Variants in TGFBR3 observed in about 807,000 individuals in gnomAD.
TGFBR3 encodes transforming growth factor beta receptor type 3.
In TGFBR3, 46 loss-of-function variants were observed where a neutral mutation model predicts 87.9. That is an observed-to-expected ratio of 0.52 (90% CI 0.41 to 0.67). The LOEUF is 0.67. Ranked by LOEUF, TGFBR3 falls within the 30% of genes least tolerant of loss-of-function variation. The probability of loss-of-function intolerance (pLI) is 0.00; values close to 1 mark genes in which losing one functional copy is unlikely to be tolerated. For missense variants in TGFBR3, 866 were observed against 1,041.9 expected (o/e 0.83, Z 2.32); for synonymous variants, 381 against 391.6 (o/e 0.97, Z 0.32).
Position 91,734,857 on chromosome 1 carries a change from A to G in TGFBR3, c.487T>C (p.Trp163Arg). The G allele has an allele frequency of 6.2e-7, 1 of 1,614,174 alleles. No homozygotes were observed. Among genetic ancestry groups the G allele is most frequent in the Non-Finnish European group, 8.5e-7 (1 of 1,180,008 alleles). ...FPHGNEHLLN[W>R]ARKEYGAVTS... ...ACTGCTCCATACTCTTTTCGGGCCC[A>G]ATTTAACAGATGTTCATTTCCATGG... Residue 163 changes from tryptophan (W) to arginine (R), a missense_variant, in exon 5 of 17, where the codon TGG becomes CGG. Coordinates refer to ENST00000212355, the MANE Select transcript of TGFBR3 (RefSeq NM_003243.5).
chr1:91,785,798 C>T (rs989796401), intron 3 of TGFBR3, among the ~76,000 whole-genome samples: 9 of 149,676 alleles, frequency 6.0e-5, no homozygotes, highest in Admixed American at 2.7e-4. Flanking sequence ...GACAGCGTCT[C>T]GCTCTGTCTC....
At chr1:91,693,909 C>G (rs768380826) in intron 16 of TGFBR3, among the ~76,000 whole-genome samples, 67 of 152,224 alleles carry the variant, frequency 4.4e-4, no homozygotes, top group Admixed American at 1.4e-3. Flanking sequence ...CTGCTAAATT[C>G]TGTCTTTCTG....
In TGFBR3 at chr1:91,827,113, G is replaced by A. The variant is rs72969164; in HGVS notation, c.62-29642C>T. On this transcript the variant is annotated intron_variant, in intron 2 of 16. Transcript: ENST00000212355. Reference sequence around the variant, plus strand: ...CTTGCCCTCTACCTATTCCTGTGGTGCCAACATAGAAAATGTCCTGGACTT... The same window carrying A: ...CTTGCCCTCTACCTATTCCTGTGGTACCAACATAGAAAATGTCCTGGACTT... Among the ~76,000 whole-genome samples the A allele has an allele frequency of 4.7e-3, 711 of 152,256 alleles. 10 individuals are homozygous for A. Among genetic ancestry groups the A allele is most frequent in the African/African-American group, 0.016 (670 of 41,544 alleles).
At chr1:91,867,288 G>A (rs1279536842) in intron 1 of TGFBR3, among the ~76,000 whole-genome samples, 2 of 152,214 alleles carry the variant, frequency 1.3e-5, no homozygotes, top group Admixed American at 1.3e-4. Context: ...GGTAGGCACG[G>A]GGGAAGCAGT....
At chr1:91,719,224 A>G in intron 10 of TGFBR3, 88 bp downstream of exon 10, 1 of 1,585,398 alleles carries the variant, frequency 6.3e-7, no homozygotes, top group South Asian at 1.1e-5. Flanking sequence ...AACCCTCTTC[A>G]TCTTCAAAGA....
At chr1:91,796,537 T>G (rs1675388846) in intron 3 of TGFBR3, among the ~76,000 whole-genome samples, 1 of 152,208 alleles carries the variant, frequency 6.6e-6, no homozygotes, top group South Asian at 2.1e-4. Flanking sequence ...AAGTACAAAG[T>G]ACCGCCATCT....
rs1380625220 is a variant in TGFBR3 at position 91,682,387 on chromosome 1, A to G, written c.*1352T>C. ...CAGCAGTAAAATAATTTAGCATGAT[A>G]ATTCCCCCCTGGCATTCTTTTTTTT... is the stretch of plus-strand genomic sequence containing the variant. On this transcript the variant is annotated 3_prime_UTR_variant, in exon 17 of 17. Coordinates refer to ENST00000212355, the MANE Select transcript of TGFBR3 (RefSeq NM_003243.5). 1 of 442,432 alleles carries G rather than the reference A, an allele frequency of 2.3e-6. No individual in the cohort carries two copies. The highest frequency in any genetic ancestry group is 4.5e-6 in the Non-Finnish European group (1 of 224,352). The allele number at this position is 442,432 out of a possible 1,614,324, so 27.4% of individuals were successfully genotyped here. A position where few individuals can be genotyped will look rare whatever the true frequency, so the allele number is the denominator to read the frequency against.
chr1:91,879,636 A>G (rs1370978645), intron 1 of TGFBR3, among the ~76,000 whole-genome samples: 1 of 152,236 alleles, frequency 6.6e-6, no homozygotes, highest in East Asian at 1.9e-4. Context: ...ATTTATATCA[A>G]TGTTGTTTCA....
intron 3 of TGFBR3, among the ~76,000 whole-genome samples, chr1:91,785,869 T>G (rs940114007): frequency 6.6e-6 from 1 of 151,644 alleles, no homozygotes; most frequent in Non-Finnish European, 1.5e-5. Flanking sequence ...CGGGCTCAAG[T>G]GATCCTCCTG....
intron 3 of TGFBR3, among the ~76,000 whole-genome samples, chr1:91,782,124 A>C (rs991933997): frequency 1.5e-4 from 23 of 152,158 alleles, no homozygotes; most frequent in Admixed American, 1.4e-3. Flanking sequence ...AGAGCAATGA[A>C]GGGCCTGCGT....
intron 12 of TGFBR3, 93 bp from the exon 13 acceptor site, chr1:91,712,635 T>C: frequency 8.9e-7 from 1 of 1,126,910 alleles, no homozygotes; most frequent in Non-Finnish European, 1.3e-6. Context: ...GCCCTTCAGA[T>C]GACACGCTGC....
intron 4 of TGFBR3, among the ~76,000 whole-genome samples, chr1:91,742,060 T>C (rs921002970): frequency 6.6e-6 from 1 of 152,116 alleles, no homozygotes; most frequent in African/African-American, 2.4e-5. Context: ...CTGGGTCTTT[T>C]TACACCCTGC....
chr1:91,858,700 T>C (rs906357322), intron 2 of TGFBR3, among the ~76,000 whole-genome samples: 1 of 151,010 alleles, frequency 6.6e-6, no homozygotes, highest in East Asian at 2.0e-4. Flanking sequence ...ACCAACAAAC[T>C]TCTACACCAA....
chr1:91,886,400 G>C (rs541060360), upstream of TGFBR3: 1 of 336,110 alleles, frequency 3.0e-6, no homozygotes, highest in East Asian at 9.0e-5. Flanking sequence ...CCTTCGGGAC[G>C]AGGAGGCCGA....
At chr1:91,708,404 C>T (rs1335005477) in intron 14 of TGFBR3, among the ~76,000 whole-genome samples, 3 of 151,982 alleles carry the variant, frequency 2.0e-5, no homozygotes, top group Non-Finnish European at 2.9e-5. Context: ...GGGAGAGTGA[C>T]CTTATGACAG....
chr1:91,867,720 T>C lies in TGFBR3; in HGVS notation c.-113-6076A>G, dbSNP rs1009459052. Among the ~76,000 whole-genome samples, 3 of 152,298 alleles carry C rather than the reference T, an allele frequency of 2.0e-5. No individual in the cohort carries two copies. The South Asian group carries it at 6.2e-4, about 32-fold the overall frequency. ...CTGTACCTTTTCATTTATAAGGGTGTCTGCTTTTAAGCTAGAATTAATAAA... is the reference window on the plus strand; with the variant it reads ...CTGTACCTTTTCATTTATAAGGGTGCCTGCTTTTAAGCTAGAATTAATAAA... On this transcript the variant is annotated intron_variant, in intron 1 of 16. Transcript: ENST00000212355.
intron 14 of TGFBR3, among the ~76,000 whole-genome samples, chr1:91,699,399 C>T (rs1021265426): frequency 1.4e-5 from 2 of 147,640 alleles, no homozygotes; most frequent in East Asian, 3.9e-4. Flanking sequence ...ACAATACCTC[C>T]TAGTTCTCTC....
In TGFBR3 at chr1:91,681,220, T is replaced by C. The variant is rs1358973700; in HGVS notation, c.*2519A>G. On this transcript the variant is annotated 3_prime_UTR_variant, in exon 17 of 17. Coordinates refer to ENST00000212355, the MANE Select transcript of TGFBR3 (RefSeq NM_003243.5). ...TGTGAAGCAATTAGAAATACTGTAA[T>C]GAGAAGCTAGGGAGAAAATACCTTA... The C allele has an allele frequency of 4.5e-6, 2 of 449,276 alleles. No individual in the cohort carries two copies. Among genetic ancestry groups the C allele is most frequent in the East Asian group, 6.9e-5 (1 of 14,404 alleles). 27.8% of individuals were successfully genotyped at this position (449,276 alleles called of 1,614,324 possible).
intron 14 of TGFBR3, among the ~76,000 whole-genome samples, chr1:91,708,279 A>G (rs1030467167): frequency 3.9e-5 from 6 of 152,242 alleles, no homozygotes; most frequent in African/African-American, 7.2e-5. Context: ...TATAGCCAGC[A>G]TAAACTTTAG....
Sources: gnomAD v4.1 joint callset for allele counts (sites outside exome capture counted in the v4.1 genomes callset) on GRCh38, gnomAD v4.1.1 for gene constraint, MANE v1.5 for transcripts, NCBI Gene and HGNC (gene_info 2026-07-23, HGNC 2026-07-21) for gene names.